Variants in LHFPL6 observed in about 807,000 individuals in gnomAD.
LHFPL6 encodes LHFPL tetraspan subfamily member 6.
Under a neutral mutation model 20.6 loss-of-function variants are expected in LHFPL6, and 9 were observed. That is an observed-to-expected ratio of 0.44 (90% confidence interval 0.26 to 0.76). The LOEUF (loss-of-function observed/expected upper bound fraction) is 0.76. Ranked by LOEUF, LHFPL6 falls within the 30% of genes least tolerant of loss-of-function variation. The probability of loss-of-function intolerance (pLI) is 0.20; values close to 1 mark genes in which losing one functional copy is unlikely to be tolerated. For missense variants in LHFPL6, 218 were observed against 253.5 expected, an observed-to-expected ratio of 0.86 and a Z score of 0.95; for synonymous variants, 105 against 98.7, an observed-to-expected ratio of 1.06 and a Z score of -0.38.
rs769932317 is a variant in LHFPL6, at chr13:39,583,953, G to C, written c.385+16879C>G. 1.0e-3 allele frequency among the ~76,000 whole-genome samples: 152 copies of C among 152,112 alleles called. 1 individual carries two copies. The highest frequency in any genetic ancestry group is 3.4e-3 in the Middle Eastern group (1 of 294). On this transcript the variant is annotated intron_variant, in intron 2 of 3. Transcript: ENST00000379589. Reference sequence around the variant, plus strand: ...GTCCCTGCTGTTCCCTCTCTGAGAGGCTCCCTCCCCTCCTCCTCCGTGTCA... The same window carrying C: ...GTCCCTGCTGTTCCCTCTCTGAGAGCCTCCCTCCCCTCCTCCTCCGTGTCA...
intron 3 of LHFPL6, among the ~76,000 whole-genome samples, chr13:39,362,481 A>G (rs1869899008): frequency 6.6e-6 from 1 of 152,238 alleles, no homozygotes; most frequent in African/African-American, 2.4e-5. Flanking sequence ...GGACTAATAC[A>G]ATGGGTGTAT....
chr13:39,549,020 A>G (rs2138510338), intron 2 of LHFPL6, among the ~76,000 whole-genome samples: 1 of 152,308 alleles, frequency 6.6e-6, no homozygotes, highest in South Asian at 2.1e-4. Flanking sequence ...TGTCTTATCA[A>G]GTAACATATC....
intron 1 of LHFPL6, among the ~76,000 whole-genome samples, chr13:39,601,650 AT>A (rs1457539549): frequency 1.3e-5 from 2 of 152,192 alleles, no homozygotes; most frequent in African/African-American, 2.4e-5. Context: ...CCCGATTTTT[AT>A]TTGACAGGCC....
chr13:39,519,875 A>G (rs368436735), intron 2 of LHFPL6, among the ~76,000 whole-genome samples: 4 of 152,202 alleles, frequency 2.6e-5, no homozygotes, highest in African/African-American at 9.6e-5. Context: ...AAATCTACCC[A>G]AAGCAAATCT....
chr13:39,417,206 A>G (rs1871371269), intron 2 of LHFPL6, among the ~76,000 whole-genome samples: 1 of 152,174 alleles, frequency 6.6e-6, no homozygotes, highest in African/African-American at 2.4e-5. Context: ...ACTGGACTCT[A>G]CCAAAAAGAC....
chr13:39,377,790 G>T (rs764684898), intron 3 of LHFPL6, among the ~76,000 whole-genome samples: 9 of 152,202 alleles, frequency 5.9e-5, no homozygotes, highest in Non-Finnish European at 7.3e-5. Context: ...TTTTATCAAT[G>T]TGCAGACTCT....
chr13:39,470,645 ATTAG>A (rs1412454951), intron 2 of LHFPL6, among the ~76,000 whole-genome samples: 1 of 152,198 alleles, frequency 6.6e-6, no homozygotes, highest in Non-Finnish European at 1.5e-5. Flanking sequence ...TAATATATGG[ATTAG>A]TTATTTATAA....
chr13:39,357,150 C>A (rs1411458514), intron 3 of LHFPL6, among the ~76,000 whole-genome samples: 5 of 151,978 alleles, frequency 3.3e-5, no homozygotes. Context: ...CCAGCCTGGG[C>A]AACAGAGCCA....
At chr13:39,366,895 G>T (rs928070768) in intron 3 of LHFPL6, among the ~76,000 whole-genome samples, 2 of 152,114 alleles carry the variant, frequency 1.3e-5, no homozygotes, top group Non-Finnish European at 2.9e-5. Context: ...CCCAGAGAAA[G>T]GCATTATTTT....
chr13:39,344,111 G>C, intron 3 of LHFPL6, 57 bp from the exon 4 acceptor site: 2 of 1,446,260 alleles, frequency 1.4e-6, no homozygotes, highest in Non-Finnish European at 1.9e-6. Context: ...TTTTGCAGCA[G>C]GGTTTCTTAT....
At chr13:39,530,776 G>A (rs1870442072) in intron 2 of LHFPL6, among the ~76,000 whole-genome samples, 1 of 151,424 alleles carries the variant, frequency 6.6e-6, no homozygotes. Flanking sequence ...GAATGATATT[G>A]CATATCCGTG....
chr13:39,474,814 C>A (rs995012058), intron 2 of LHFPL6, among the ~76,000 whole-genome samples: 10 of 151,880 alleles, frequency 6.6e-5, no homozygotes, highest in African/African-American at 1.7e-4. Context: ...GCATCTCACA[C>A]AACACATGAG....
chr13:39,413,025 C>T (rs1419432115), intron 2 of LHFPL6, among the ~76,000 whole-genome samples: 3 of 152,164 alleles, frequency 2.0e-5, no homozygotes, highest in Admixed American at 1.3e-4. Flanking sequence ...ATTACACCTG[C>T]CTTCTGCAGA....
At chr13:39,478,097 C>G (rs934740717) in intron 2 of LHFPL6, among the ~76,000 whole-genome samples, 2 of 152,120 alleles carry the variant, frequency 1.3e-5, no homozygotes, top group Non-Finnish European at 2.9e-5. Flanking sequence ...CAAGCTAAAG[C>G]CTGAATAGTG....
At chr13:39,509,823 G>T (rs7988984) in intron 2 of LHFPL6, among the ~76,000 whole-genome samples, 38,442 of 151,930 alleles carry the variant, frequency 0.25, 5,558 homozygotes, top group African/African-American at 0.4. Context: ...AGCCAGGCAG[G>T]GTGGCATGTG....
chr13:39,486,186 G>A (rs1174941908), intron 2 of LHFPL6, among the ~76,000 whole-genome samples: 1 of 152,192 alleles, frequency 6.6e-6, no homozygotes. Context: ...GAGAGTGGAA[G>A]TGGAATTTCT....
At chr13:39,405,626 A>T (rs1178910040) in intron 2 of LHFPL6, among the ~76,000 whole-genome samples, 3 of 152,236 alleles carry the variant, frequency 2.0e-5, no homozygotes, top group Non-Finnish European at 4.4e-5. Flanking sequence ...GCAGAAACCC[A>T]GACTGGGGGC....
intron 2 of LHFPL6, among the ~76,000 whole-genome samples, chr13:39,572,088 G>A (rs7318072): frequency 0.49 from 73,840 of 152,112 alleles, 18,582 homozygotes; most frequent in South Asian, 0.57. Flanking sequence ...CAAGGATACT[G>A]TATCACAGGA....
intron 2 of LHFPL6, among the ~76,000 whole-genome samples, chr13:39,492,805 C>T (rs569178195): frequency 6.6e-6 from 1 of 152,014 alleles, no homozygotes; most frequent in African/African-American, 2.4e-5. Flanking sequence ...CTCAGCCTCC[C>T]GAGTAGCTGG....
Sources: allele counts gnomAD v4.1 joint callset (sites outside exome capture counted in the v4.1 genomes callset), GRCh38; gene constraint gnomAD v4.1.1; transcripts MANE v1.5; gene names NCBI Gene and HGNC (gene_info 2026-07-23, HGNC 2026-07-21).